STK32B: variants seen among roughly 807,000 people sequenced by gnomAD.
The protein encoded by STK32B is serine/threonine kinase 32B.
STK32B carries 43 observed loss-of-function variants against 52.6 expected under a neutral mutation model. The ratio of observed to expected loss-of-function variants is 0.82; its 90% CI spans 0.64 to 1.05. The LOEUF (loss-of-function observed/expected upper bound fraction) is 1.05, where lower values mean the gene tolerates loss of function less well. STK32B is among the 50% of genes least tolerant of loss of function. STK32B has a pLI of 0.00. For missense variants in STK32B, 621 were observed against 534.6 expected (o/e 1.16, Z -1.59); for synonymous variants, 238 against 204.3 (o/e 1.17, Z -1.41).
At chr4:5,260,664 G>C (rs1726653426) in intron 3 of STK32B, among the ~76,000 whole-genome samples, 1 of 152,180 alleles carries the variant, frequency 6.6e-6, no homozygotes, top group African/African-American at 2.4e-5. Flanking sequence ...GGGAAGGAAA[G>C]ACATCTGGCA....
intron 3 of STK32B, among the ~76,000 whole-genome samples, chr4:5,286,858 C>T (rs372799119): frequency 4.4e-4 from 62 of 140,662 alleles, no homozygotes; most frequent in African/African-American, 1.4e-3. Flanking sequence ...AGTGCAGTGA[C>T]GCGATCTTGG....
At chr4:5,174,649 T>C (rs1719679404) in intron 3 of STK32B, among the ~76,000 whole-genome samples, 1 of 152,244 alleles carries the variant, frequency 6.6e-6, no homozygotes, top group Non-Finnish European at 1.5e-5. Context: ...TTCTGGCTTG[T>C]AGAGTTTCTG....
At chr4:5,431,194 C>G (rs1460213337) in intron 6 of STK32B, among the ~76,000 whole-genome samples, 1 of 152,208 alleles carries the variant, frequency 6.6e-6, no homozygotes, top group African/African-American at 2.4e-5. Flanking sequence ...CTAGTGTGAC[C>G]TGAGCAAAGT....
intron 3 of STK32B, among the ~76,000 whole-genome samples, chr4:5,246,465 T>C (rs774901068): frequency 1.7e-4 from 26 of 152,210 alleles, no homozygotes; most frequent in Non-Finnish European, 3.4e-4. Context: ...TTTCTAGTTA[T>C]CCATTTGTCT....
At chr4:5,135,328 A>T (rs1435048860) in intron 1 of STK32B, among the ~76,000 whole-genome samples, 3 of 152,206 alleles carry the variant, frequency 2.0e-5, no homozygotes, top group East Asian at 3.9e-4. Flanking sequence ...AACATCACCC[A>T]GCCACAGCCA....
intron 1 of STK32B, among the ~76,000 whole-genome samples, chr4:5,093,910 A>G (rs920648916): frequency 5.9e-5 from 9 of 152,198 alleles, no homozygotes; most frequent in African/African-American, 2.2e-4. Flanking sequence ...AGAAGCAGAG[A>G]AAAGTCCTGA....
intron 1 of STK32B, among the ~76,000 whole-genome samples, chr4:5,060,962 A>G (rs1287349806): frequency 1.3e-5 from 2 of 152,272 alleles, no homozygotes; most frequent in East Asian, 3.9e-4. Flanking sequence ...CAGAAACTTG[A>G]TGATGTGCAT....
chr4:5,475,006 C>G (rs1414529594), intron 11 of STK32B, among the ~76,000 whole-genome samples: 1 of 152,142 alleles, frequency 6.6e-6, no homozygotes, highest in Non-Finnish European at 1.5e-5. Flanking sequence ...GCTCAGTGAC[C>G]TGACGCAGCG....
chr4:5,051,053 C>A (rs1441132207), upstream of STK32B, among the ~76,000 whole-genome samples: 2 of 152,076 alleles, frequency 1.3e-5, no homozygotes, highest in African/African-American at 4.8e-5. Flanking sequence ...CTGAGAAAAA[C>A]CTTAAGAGGA....
At chr4:5,111,777 G>C (rs918245794) in intron 1 of STK32B, among the ~76,000 whole-genome samples, 2 of 152,072 alleles carry the variant, frequency 1.3e-5, no homozygotes, top group African/African-American at 4.8e-5. Flanking sequence ...AAAACGATGT[G>C]TATGGACCTC....
At chr4:5,323,704 C>T (rs544908763) in intron 3 of STK32B, among the ~76,000 whole-genome samples, 86 of 152,296 alleles carry the variant, frequency 5.6e-4, no homozygotes, top group Admixed American at 1.9e-3. Context: ...GTGTTTCAGG[C>T]GTTTGTGGCT....
rs78006310 is a variant in STK32B, at chr4:5,245,246, A to G, written c.260+76796A>G. ...TTGTAGGTCACTCAGGACTTGCTTT[A>G]TGAATCTGGGTGCTCCTGTATTGGG... On this transcript the variant is annotated intron_variant, in intron 3 of 11. Transcript: ENST00000282908. 3.4e-3 allele frequency among the ~76,000 whole-genome samples: 511 copies of G among 152,292 alleles called. 6 individuals carry two copies. Among genetic ancestry groups the G allele is most frequent in the Admixed American group, 0.017 (258 of 15,300 alleles).
rs1055395671 is a variant in STK32B at position 5,378,774 on chromosome 4, G to T, written c.435-19433G>T. On this transcript the variant is annotated intron_variant, in intron 4 of 11. Coordinates refer to ENST00000282908, the MANE Select transcript of STK32B (RefSeq NM_018401.3). This position sits in a 1 kb window ranked among gnomAD's most constrained non-coding sequence, Gnocchi z 4.4. Reference sequence around the variant, plus strand: ...AAATGTCTTTGAGAAACGCTGGCTGGGTAGATGAGTTTGTGACGGGGAGGG... The same window carrying T: ...AAATGTCTTTGAGAAACGCTGGCTGTGTAGATGAGTTTGTGACGGGGAGGG... Among the ~76,000 whole-genome samples the T allele has an allele frequency of 1.3e-5, 2 of 152,168 alleles. No homozygotes were observed. The highest frequency in any genetic ancestry group is 4.8e-5 in the African/African-American group (2 of 41,430).
intron 3 of STK32B, among the ~76,000 whole-genome samples, chr4:5,238,416 G>T (rs1029685332): frequency 6.6e-6 from 1 of 151,812 alleles, no homozygotes. Flanking sequence ...TTAGAATCAG[G>T]ACCCACCCTA....
chr4:5,481,899 A>G (rs1301511907), intron 11 of STK32B, among the ~76,000 whole-genome samples: 2 of 152,130 alleles, frequency 1.3e-5, no homozygotes, highest in Non-Finnish European at 2.9e-5. Context: ...GGTTGTAGAT[A>G]TGCGGCATTA....
intron 3 of STK32B, among the ~76,000 whole-genome samples, chr4:5,169,048 C>A (rs139308912): frequency 2.6e-5 from 4 of 152,300 alleles, no homozygotes; most frequent in South Asian, 4.1e-4. Flanking sequence ...AAAACACTCA[C>A]GTCCCCTTCT....
intron 3 of STK32B, among the ~76,000 whole-genome samples, chr4:5,294,046 T>A (rs1179292693): frequency 2.6e-5 from 4 of 152,202 alleles, no homozygotes; most frequent in Non-Finnish European, 5.9e-5. Flanking sequence ...AAATAGGGAA[T>A]CCTTTCCCCA....
Position 5,403,743 on chromosome 4 carries a change from G to T in STK32B, c.472+5499G>T, listed in dbSNP as rs148921246. On this transcript the variant is annotated intron_variant, in intron 5 of 11. Transcript: ENST00000282908. ...CAAAGCATTGTATGTGCTACCCCCA[G>T]CATGCCAGGAGGAAGAGACTCCAGG... Among the ~76,000 whole-genome samples the T allele has an allele frequency of 9.3e-3, 1,421 of 152,224 alleles. 13 individuals are homozygous for T. Among genetic ancestry groups the T allele is most frequent in the South Asian group, 0.018 (89 of 4,818 alleles).
At chr4:5,404,024 C>A (rs1577451729) in intron 5 of STK32B, among the ~76,000 whole-genome samples, 1 of 151,774 alleles carries the variant, frequency 6.6e-6, no homozygotes, top group East Asian at 1.9e-4. Flanking sequence ...AGCGAGCTGC[C>A]AGAAATGGGG....
Sources: gnomAD v4.1 joint callset for allele counts (sites outside exome capture counted in the v4.1 genomes callset) on GRCh38, gnomAD v4.1.1 for gene constraint, Gnocchi (gnomAD v3.1) non-coding constraint, MANE v1.5 for transcripts, NCBI Gene and HGNC (gene_info 2026-07-23, HGNC 2026-07-21) for gene names.